DPP10: variants seen among roughly 807,000 people sequenced by gnomAD.
DPP10 encodes inactive dipeptidyl peptidase 10.
In DPP10, 33 loss-of-function variants were observed where a neutral mutation model predicts 120.9. The observed-to-expected ratio is 0.27, with a 90% CI of 0.21 to 0.37. The LOEUF (loss-of-function observed/expected upper bound fraction) is 0.37. DPP10 is among the 10% of genes least tolerant of loss of function. DPP10 has a pLI of 1.00. For synonymous variants in DPP10, 337 were observed against 326.1 expected, an observed-to-expected ratio of 1.03 and a Z score of -0.36; for missense variants, 816 against 942.8, an observed-to-expected ratio of 0.87 and a Z score of 1.76.
intron 3 of DPP10, among the ~76,000 whole-genome samples, chr2:115,388,996 T>A (rs2067143475): frequency 6.6e-6 from 1 of 152,106 alleles, no homozygotes; most frequent in African/African-American, 2.4e-5. Context: ...AACACACAAG[T>A]TTTTAGCCTC....
Position 115,525,755 on chromosome 2 carries a change from A to T in DPP10, c.367-143A>T. 5.0e-6 allele frequency: 3 copies of T among 606,044 alleles called. No homozygotes were observed. In the South Asian group the frequency reaches 6.5e-5, roughly 13 times the overall value. The allele number at this position is 606,044 out of a possible 1,614,324, so 37.5% of individuals were successfully genotyped here. A position where few individuals can be genotyped will look rare whatever the true frequency, so the allele number is the denominator to read the frequency against. ...TATTCATCTGAATAATCATACATAC[A>T]TACATGCAAATATGTATACAATATA... is the stretch of plus-strand genomic sequence containing the variant. On this transcript the variant is annotated intron_variant, in intron 4 of 25. Coordinates refer to ENST00000410059, the MANE Select transcript of DPP10 (RefSeq NM_020868.6).
chr2:114,932,766 T>C (rs1274731878), intron 1 of DPP10, among the ~76,000 whole-genome samples: 1 of 152,240 alleles, frequency 6.6e-6, no homozygotes, highest in Non-Finnish European at 1.5e-5. Flanking sequence ...CATTTATACA[T>C]GTGTTCATTT....
At chr2:114,498,277 A>G (rs1334659431) in intron 1 of DPP10, among the ~76,000 whole-genome samples, 2 of 152,024 alleles carry the variant, frequency 1.3e-5, no homozygotes, top group African/African-American at 4.8e-5. Context: ...TGCCTGTCCT[A>G]TTTGAAACTT....
chr2:115,390,691 A>G (rs909462755), intron 3 of DPP10, among the ~76,000 whole-genome samples: 1 of 152,166 alleles, frequency 6.6e-6, no homozygotes, highest in Non-Finnish European at 1.5e-5. Context: ...TAATTTGTTT[A>G]AAGGCTAAAT....
At chr2:115,061,702 A>T (rs1441044502) in intron 1 of DPP10, among the ~76,000 whole-genome samples, 1 of 152,174 alleles carries the variant, frequency 6.6e-6, no homozygotes, top group Non-Finnish European at 1.5e-5. Context: ...CTTTATGTAA[A>T]TTGATTCATT....
chr2:115,648,480 C>G (rs2087468674), intron 5 of DPP10, among the ~76,000 whole-genome samples: 1 of 151,752 alleles, frequency 6.6e-6, no homozygotes, highest in South Asian at 2.1e-4. Flanking sequence ...CAATTTGGCC[C>G]TTCCAAAATG....
At chr2:114,711,486 T>A (rs1265486498) in intron 1 of DPP10, among the ~76,000 whole-genome samples, 1 of 152,180 alleles carries the variant, frequency 6.6e-6, no homozygotes, top group Non-Finnish European at 1.5e-5. Flanking sequence ...AGTTACTGAG[T>A]ACCTCTGTGT....
intron 1 of DPP10, chr2:115,234,111 C>A: frequency 2.9e-6 from 1 of 341,514 alleles, no homozygotes; most frequent in East Asian, 9.1e-5. Flanking sequence ...CACTTATTCC[C>A]AAGTTTTATA....
chr2:114,774,016 A>C (rs1574155209), intron 1 of DPP10, among the ~76,000 whole-genome samples: 1 of 152,076 alleles, frequency 6.6e-6, no homozygotes, highest in African/African-American at 2.4e-5. Context: ...ATGTGTATGT[A>C]TATATGTATA....
intron 1 of DPP10, among the ~76,000 whole-genome samples, chr2:114,778,793 G>T (rs967998766): frequency 3.3e-5 from 5 of 152,018 alleles, no homozygotes; most frequent in African/African-American, 9.7e-5. Flanking sequence ...ATGCTCTGAT[G>T]GAAGATAAAA....
At chr2:115,559,233 T>A (rs1318683250) in intron 5 of DPP10, among the ~76,000 whole-genome samples, 1 of 152,192 alleles carries the variant, frequency 6.6e-6, no homozygotes, top group Non-Finnish European at 1.5e-5. Context: ...GGATGAGTGC[T>A]CCAGTGAAAA....
intron 5 of DPP10, among the ~76,000 whole-genome samples, chr2:115,607,717 A>G (rs1376597855): frequency 1.3e-5 from 2 of 152,108 alleles, no homozygotes; most frequent in Admixed American, 6.5e-5. Context: ...TGTTCAACCT[A>G]TGCCTACTAC....
At chr2:115,333,596 G>A (rs1574461880) in intron 2 of DPP10, among the ~76,000 whole-genome samples, 1 of 152,218 alleles carries the variant, frequency 6.6e-6, no homozygotes, top group East Asian at 1.9e-4. Context: ...GCTTCCTTCA[G>A]GAGCTCTTTT....
intron 13 of DPP10, among the ~76,000 whole-genome samples, chr2:115,773,592 T>C (rs543930095): frequency 6.6e-6 from 1 of 152,256 alleles, no homozygotes; most frequent in Admixed American, 6.5e-5. Flanking sequence ...TCAGTATTTC[T>C]ATTCTACCAA....
At chr2:115,759,474 C>T (rs1679832672) in intron 11 of DPP10, among the ~76,000 whole-genome samples, 1 of 150,952 alleles carries the variant, frequency 6.6e-6, no homozygotes, top group African/African-American at 2.4e-5. Flanking sequence ...GTATATTATA[C>T]ATAATTAGAA....
intron 1 of DPP10, among the ~76,000 whole-genome samples, chr2:114,448,597 A>C (rs1319223099): frequency 6.6e-6 from 1 of 152,166 alleles, no homozygotes; most frequent in East Asian, 1.9e-4. Context: ...AGGGCCCAGC[A>C]ATCTTTGGTG....
intron 1 of DPP10, among the ~76,000 whole-genome samples, chr2:114,745,438 T>G (rs896877502): frequency 6.6e-6 from 1 of 152,238 alleles, no homozygotes; most frequent in Non-Finnish European, 1.5e-5. Context: ...AGGAACATAT[T>G]ATCAGATTAT....
At chr2:115,405,556 A>G (rs1399998146) in intron 3 of DPP10, among the ~76,000 whole-genome samples, 3 of 152,034 alleles carry the variant, frequency 2.0e-5, no homozygotes, top group Non-Finnish European at 1.5e-5. Context: ...ATTCTAGAGA[A>G]GACTCTCTGT....
At chr2:115,492,284 A>G (rs2076166205) in intron 3 of DPP10, among the ~76,000 whole-genome samples, 1 of 152,208 alleles carries the variant, frequency 6.6e-6, no homozygotes, top group Non-Finnish European at 1.5e-5. Flanking sequence ...TTGGTAAAAA[A>G]GATCACTCTT....
Sources: allele counts gnomAD v4.1 joint callset (sites outside exome capture counted in the v4.1 genomes callset), GRCh38; gene constraint gnomAD v4.1.1; transcripts MANE v1.5; gene names NCBI Gene and HGNC (gene_info 2026-07-23, HGNC 2026-07-21).